SMCO4: variants seen among roughly 807,000 people sequenced by gnomAD.
SMCO4 encodes single-pass membrane and coiled-coil domain-containing protein 4.
Under a neutral mutation model 3.6 loss-of-function variants are expected in SMCO4, and 4 were observed. That is an observed-to-expected ratio of 1.11 (90% confidence interval 0.54 to 2.53). The LOEUF (loss-of-function observed/expected upper bound fraction) is 2.53. SMCO4 is among the 30% of genes most tolerant of loss of function. SMCO4 has a pLI of 0.02. For missense variants in SMCO4, 70 were observed against 80.8 expected, an observed-to-expected ratio of 0.87 and a Z score of 0.51; for synonymous variants, 36 against 35.3, an observed-to-expected ratio of 1.02 and a Z score of -0.07.
chr11:93,518,892 G>A (rs530700436), intron 1 of SMCO4, among the ~76,000 whole-genome samples: 2 of 152,326 alleles, frequency 1.3e-5, no homozygotes, highest in South Asian at 4.1e-4. Flanking sequence ...GGCCTTCTGT[G>A]ATCAGAGAAG....
intron 1 of SMCO4, among the ~76,000 whole-genome samples, chr11:93,540,361 G>A (rs1344988634): frequency 6.6e-6 from 1 of 152,142 alleles, no homozygotes; most frequent in Non-Finnish European, 1.5e-5. Flanking sequence ...TGGAAACCAG[G>A]CTCAGAGAGG....
intron 1 of SMCO4, among the ~76,000 whole-genome samples, chr11:93,521,145 A>C (rs1447152456): frequency 6.6e-6 from 1 of 152,230 alleles, no homozygotes; most frequent in African/African-American, 2.4e-5. Context: ...CAAAACCAGG[A>C]CATCTCTTTG....
chr11:93,485,378 C>T (rs755672970), intron 2 of SMCO4, among the ~76,000 whole-genome samples: 1 of 152,246 alleles, frequency 6.6e-6, no homozygotes, highest in Non-Finnish European at 1.5e-5. Context: ...GGATTCTCAC[C>T]TCCATGCCTT....
chr11:93,495,410 C>T (rs1289888065), intron 2 of SMCO4, among the ~76,000 whole-genome samples: 1 of 151,980 alleles, frequency 6.6e-6, no homozygotes, highest in Admixed American at 6.6e-5. Context: ...AATTCAGGTA[C>T]GTGCTTTTCA....
chr11:93,509,042 C>T (rs1948934290), intron 1 of SMCO4, among the ~76,000 whole-genome samples: 2 of 152,074 alleles, frequency 1.3e-5, no homozygotes. Context: ...GTAATCCCAA[C>T]ACTCTGGGAG....
chr11:93,484,688 C>CT (rs10707335), intron 2 of SMCO4, among the ~76,000 whole-genome samples: 24,682 of 143,760 alleles, frequency 0.17, 2,544 homozygotes, highest in Admixed American at 0.35. Context: ...CCAGGGAATT[C>CT]TTTTTTTTTT....
chr11:93,509,516 A>G (rs1235183658), intron 1 of SMCO4, among the ~76,000 whole-genome samples: 1 of 152,176 alleles, frequency 6.6e-6, no homozygotes, highest in Non-Finnish European at 1.5e-5. Flanking sequence ...ATACTTGCAC[A>G]TGCATGTTTA....
chr11:93,551,234 A>G, the SMCO4 span, among the ~76,000 whole-genome samples: 1 of 152,224 alleles, frequency 6.6e-6, no homozygotes, highest in Non-Finnish European at 1.5e-5. Flanking sequence ...GTTCTATGAG[A>G]AAGTTTTATA....
chr11:93,514,400 AT>A (rs750990842), intron 1 of SMCO4, among the ~76,000 whole-genome samples: 31,258 of 95,744 alleles, frequency 0.33, 5,746 homozygotes, highest in Non-Finnish European at 0.35. Flanking sequence ...ATATATATAT[AT>A]ATATATATAT....
intron 1 of SMCO4, among the ~76,000 whole-genome samples, chr11:93,505,955 CCCA>C (rs1441900922): frequency 1.3e-5 from 2 of 152,006 alleles, no homozygotes; most frequent in Non-Finnish European, 2.9e-5. Flanking sequence ...GGTGCTCCTG[CCCA>C]CCAAGATAAA....
chr11:93,505,064 C>T (rs551444271), intron 1 of SMCO4, among the ~76,000 whole-genome samples: 2 of 152,264 alleles, frequency 1.3e-5, no homozygotes, highest in South Asian at 2.1e-4. Flanking sequence ...AGTTGTCTCA[C>T]GCTGTAACAG....
upstream of SMCO4, among the ~76,000 whole-genome samples, chr11:93,543,731 C>T (rs1949293336): frequency 6.6e-6 from 1 of 152,248 alleles, no homozygotes; most frequent in African/African-American, 2.4e-5. Flanking sequence ...TAGTTGGAGG[C>T]AAACGCCATG....
At chr11:93,547,567 C>T (rs927730560), upstream of SMCO4, among the ~76,000 whole-genome samples, 1 of 152,110 alleles carries the variant, frequency 6.6e-6, no homozygotes, top group Non-Finnish European at 1.5e-5. Context: ...TCTCCCTCCA[C>T]GAGAAAAGGG....
chr11:93,535,132 C>A (rs1949206853), intron 1 of SMCO4, among the ~76,000 whole-genome samples: 1 of 152,162 alleles, frequency 6.6e-6, no homozygotes, highest in South Asian at 2.1e-4. Context: ...ACTTACGGAC[C>A]CTTGATTCCT....
intron 1 of SMCO4, among the ~76,000 whole-genome samples, chr11:93,515,679 T>C (rs1949002163): frequency 6.6e-6 from 1 of 152,156 alleles, no homozygotes; most frequent in Non-Finnish European, 1.5e-5. Flanking sequence ...AGCTTTCTCC[T>C]CCAGACAGGA....
rs2134603008 is a variant in SMCO4 at position 93,505,171 on chromosome 11, G to C, written c.-153-5823C>G. 2.0e-5 allele frequency among the ~76,000 whole-genome samples: 3 copies of C among 152,344 alleles called. No homozygotes were observed. The Middle Eastern group carries it at 0.01, about 518-fold the overall frequency. On this transcript the variant is annotated intron_variant, in intron 1 of 2. Transcript: ENST00000298966. ...AGTCTGGATCACAGAGCTGCTAGCA[G>C]TGGCAGAACGTTGAGAGGAAGACCT...
Position 93,479,233 on chromosome 11 carries a change from G to T in SMCO4, c.-44C>A. On this transcript the variant is annotated 5_prime_UTR_variant, in exon 3 of 3. The change creates a new upstream start codon in the 5' untranslated region. Coordinates refer to ENST00000298966, the MANE Select transcript of SMCO4 (RefSeq NM_020179.3). ...GGAGGGTGTGTCCAGAGGGATTCCA[G>T]GAAGGGCCACACTCCTCTTGCCAAG... 1 of 1,592,148 alleles carries T rather than the reference G, an allele frequency of 6.3e-7. No individual in the cohort carries two copies. Among genetic ancestry groups the T allele is most frequent in the Non-Finnish European group, 8.6e-7 (1 of 1,166,780 alleles).
intron 2 of SMCO4, among the ~76,000 whole-genome samples, chr11:93,483,776 C>T (rs1216167289): frequency 6.6e-6 from 1 of 152,196 alleles, no homozygotes; most frequent in Non-Finnish European, 1.5e-5. Context: ...GCCACTGACA[C>T]AAAAGAAAGG....
intron 1 of SMCO4, 47 bp downstream of exon 1, chr11:93,543,217 CGCCCGCCCGCCG>C (rs1402010375): frequency 8.0e-6 from 1 of 125,404 alleles, no homozygotes; most frequent in Non-Finnish European, 1.9e-5. Context: ...CCGTGCCCCG[CGCCCGCCCGCCG>C]GCTCGCCCGC....
Sources: gnomAD v4.1 joint callset for allele counts (sites outside exome capture counted in the v4.1 genomes callset) on GRCh38, gnomAD v4.1.1 for gene constraint, MANE v1.5 for transcripts, NCBI Gene and HGNC (gene_info 2026-07-23, HGNC 2026-07-21) for gene names.